Variants in SLC12A8 observed in about 807,000 individuals in gnomAD.
SLC12A8 encodes the protein solute carrier family 12 member 8.
A neutral mutation model predicts 75.6 loss-of-function variants in SLC12A8; 69 were observed. The observed-to-expected ratio is 0.91, with a 90% CI of 0.75 to 1.11. The LOEUF is 1.11. Among genes scored for constraint, SLC12A8 ranks in the 50% most tolerant of loss-of-function variants. SLC12A8 has a pLI of 0.00. For missense variants in SLC12A8, 877 were observed against 896.7 expected, an observed-to-expected ratio of 0.98 and a Z score of 0.28; for synonymous variants, 365 against 372.8, an observed-to-expected ratio of 0.98 and a Z score of 0.24.
intron 8 of SLC12A8, among the ~76,000 whole-genome samples, chr3:125,111,186 C>T (rs1939178887): frequency 6.6e-6 from 1 of 152,148 alleles, no homozygotes; most frequent in South Asian, 2.1e-4. Flanking sequence ...GGCCTTCTGT[C>T]TTGTTTACCC....
intron 1 of SLC12A8, among the ~76,000 whole-genome samples, chr3:125,212,197 G>A (rs1458208498): frequency 2.6e-5 from 4 of 152,054 alleles, no homozygotes; most frequent in Non-Finnish European, 1.5e-5. Flanking sequence ...GAAGGCGCCC[G>A]GAGCACTGAG....
chr3:125,128,327 C>T (rs970458560), intron 6 of SLC12A8, among the ~76,000 whole-genome samples: 14 of 139,684 alleles, frequency 1.0e-4, no homozygotes, highest in African/African-American at 3.7e-4. Flanking sequence ...ACTACAGGCG[C>T]CCGCCACTAC....
At chr3:125,096,806 G>A (rs1314905999) in intron 10 of SLC12A8, among the ~76,000 whole-genome samples, 3 of 150,718 alleles carry the variant, frequency 2.0e-5, no homozygotes, top group East Asian at 3.9e-4. Flanking sequence ...TAATTAAATT[G>A]TATAGTTTTA....
chr3:125,111,125 T>C (rs536890727), intron 8 of SLC12A8, among the ~76,000 whole-genome samples: 1 of 152,354 alleles, frequency 6.6e-6, no homozygotes, highest in South Asian at 2.1e-4. Context: ...GATGTTAGGA[T>C]AGCACCTATC....
Position 125,178,038 on chromosome 3 carries a change from C to T in SLC12A8, c.391-64G>A, listed in dbSNP as rs189369979. The T allele has an allele frequency of 9.6e-6, 13 of 1,350,648 alleles. No individual in the cohort carries two copies. The Admixed American group carries it at 1.3e-4, about 14-fold the overall frequency. The allele number at this position is 1,350,648 out of a possible 1,614,324, so 83.7% of individuals were successfully genotyped here. A position where few individuals can be genotyped will look rare whatever the true frequency, so the allele number is the denominator to read the frequency against. On this transcript the variant is annotated intron_variant, in intron 4 of 13. Coordinates refer to ENST00000469902, the MANE Select transcript of SLC12A8 (RefSeq NM_024628.6). ...AAAGCCATGGGCCCATGGGCAGAAC[C>T]GCCCAGCGCTGAGAACCCTGCACCC...
At chr3:125,177,617 C>G (rs1012773568) in intron 5 of SLC12A8, 126 bp downstream of exon 5, 1 of 671,308 alleles carries the variant, frequency 1.5e-6, no homozygotes, top group Non-Finnish European at 2.5e-6. Context: ...CCAGGAACAG[C>G]TCACACCAAT....
At chr3:125,192,188 T>C (rs1028646985) in intron 2 of SLC12A8, among the ~76,000 whole-genome samples, 2 of 151,994 alleles carry the variant, frequency 1.3e-5, no homozygotes, top group Non-Finnish European at 2.9e-5. Flanking sequence ...ACAAAAAGAC[T>C]AATACTGTAG....
intron 8 of SLC12A8, among the ~76,000 whole-genome samples, chr3:125,114,488 G>A (rs576979712): frequency 6.6e-6 from 1 of 152,212 alleles, no homozygotes; most frequent in African/African-American, 2.4e-5. Context: ...GCAGTGGCAC[G>A]ATCTTGGCTC....
chr3:125,173,292 T>C (rs895073577), intron 5 of SLC12A8, among the ~76,000 whole-genome samples: 1 of 151,978 alleles, frequency 6.6e-6, no homozygotes, highest in Non-Finnish European at 1.5e-5. Context: ...CGGTATGGTA[T>C]TGGAGACAGA....
intron 5 of SLC12A8, among the ~76,000 whole-genome samples, chr3:125,139,115 T>C (rs77823794): frequency 0.013 from 2,019 of 152,318 alleles, 43 homozygotes; most frequent in African/African-American, 0.046. Flanking sequence ...AGCTTTTCTA[T>C]GTATGAAGAG....
At chr3:125,191,986 C>T (rs1934917959) in intron 2 of SLC12A8, among the ~76,000 whole-genome samples, 1 of 152,128 alleles carries the variant, frequency 6.6e-6, no homozygotes, top group South Asian at 2.1e-4. Context: ...GGAACAAAGA[C>T]TCTGCCAATC....
At chr3:125,118,703 T>A in intron 8 of SLC12A8, 66 bp downstream of exon 8, 1 of 1,199,296 alleles carries the variant, frequency 8.3e-7, no homozygotes, top group South Asian at 1.3e-5. Context: ...GGTGGCCATT[T>A]GTTGGTGAGA....
chr3:125,173,282 C>T (rs774147386), intron 5 of SLC12A8, among the ~76,000 whole-genome samples: 7 of 151,928 alleles, frequency 4.6e-5, no homozygotes, highest in South Asian at 2.1e-4. Flanking sequence ...GTAATCAAGA[C>T]GGTATGGTAT....
In SLC12A8 at chr3:125,127,019, G is replaced by C. The variant is rs563486455; in HGVS notation, c.737-6333C>G. ...GCAGGACTGTGGTGAAGTTGGAACA[G>C]ATATTCATAAGCACCTAGCACAGTG... On this transcript the variant is annotated intron_variant, in intron 6 of 13. Transcript: ENST00000469902. Among the ~76,000 whole-genome samples, 3 of 152,314 alleles carry C rather than the reference G, an allele frequency of 2.0e-5. 1 individual carries two copies. The highest frequency in any genetic ancestry group is 4.4e-5 in the Non-Finnish European group (3 of 68,022).
intron 8 of SLC12A8, 177 bp from the exon 9 acceptor site, chr3:125,110,512 T>G: frequency 1.8e-6 from 1 of 542,256 alleles, no homozygotes; most frequent in East Asian, 3.0e-5. Context: ...TGGTTTCAGC[T>G]GAATCCACCA....
In SLC12A8 at chr3:125,082,729, T is replaced by C. The variant is rs1938357128; in HGVS notation, c.*1161A>G. On this transcript the variant is annotated 3_prime_UTR_variant, in exon 14 of 14. Transcript: ENST00000469902. Reference sequence around the variant, plus strand: ...GTACCTTTTGATCCTGCAATTCCACTTTTGGGAATTTATCCTAGAGATACA... The same window carrying C: ...GTACCTTTTGATCCTGCAATTCCACCTTTGGGAATTTATCCTAGAGATACA... 1 of 152,248 alleles carries C rather than the reference T, an allele frequency of 6.6e-6. No homozygotes were observed. The highest frequency in any genetic ancestry group is 1.5e-5 in the Non-Finnish European group (1 of 68,034). The allele number at this position is 152,248 out of a possible 1,614,324, so 9.4% of individuals were successfully genotyped here. A position where few individuals can be genotyped will look rare whatever the true frequency, so the allele number is the denominator to read the frequency against.
intron 2 of SLC12A8, among the ~76,000 whole-genome samples, chr3:125,205,277 A>C (rs1935204728): frequency 6.6e-6 from 1 of 152,132 alleles, no homozygotes; most frequent in Admixed American, 6.5e-5. Context: ...CTCTCTTCTC[A>C]AGCAAGGTAA....
chr3:125,147,914 A>G (rs1017962077), intron 5 of SLC12A8, among the ~76,000 whole-genome samples: 2 of 152,212 alleles, frequency 1.3e-5, no homozygotes, highest in Non-Finnish European at 2.9e-5. Flanking sequence ...GATAATGACA[A>G]TGATTATTTA....
intron 7 of SLC12A8, among the ~76,000 whole-genome samples, chr3:125,119,686 C>G (rs1275944180): frequency 6.6e-6 from 1 of 152,252 alleles, no homozygotes; most frequent in Non-Finnish European, 1.5e-5. Flanking sequence ...ACAAAATACC[C>G]TGATGCTGTA....
Sources: allele counts gnomAD v4.1 joint callset (sites outside exome capture counted in the v4.1 genomes callset), GRCh38; gene constraint gnomAD v4.1.1; transcripts MANE v1.5; gene names NCBI Gene and HGNC (gene_info 2026-07-23, HGNC 2026-07-21).